Variants in RABGAP1L observed in about 807,000 individuals in gnomAD.
The protein encoded by RABGAP1L is rab GTPase-activating protein 1-like.
In RABGAP1L, 63 loss-of-function variants were observed where a neutral mutation model predicts 137.7. That is an observed-to-expected ratio of 0.46 (90% CI 0.37 to 0.56). The LOEUF (loss-of-function observed/expected upper bound fraction) is 0.56. RABGAP1L is among the 20% of genes least tolerant of loss of function. The pLI is 0.00. For synonymous variants in RABGAP1L, 431 were observed against 433.7 expected, an observed-to-expected ratio of 0.99 and a Z score of 0.08; for missense variants, 1,095 against 1,244.0, an observed-to-expected ratio of 0.88 and a Z score of 1.80.
intron 10 of RABGAP1L, among the ~76,000 whole-genome samples, chr1:174,299,100 T>G (rs972519048): frequency 2.0e-5 from 3 of 152,262 alleles, no homozygotes; most frequent in African/African-American, 7.2e-5. Flanking sequence ...TAGACTTTAG[T>G]TTTATACTTG....
In RABGAP1L at chr1:174,211,402, CAA is replaced by C. The variant is rs1668872872; in HGVS notation, c.-33-7721_-33-7720del. Among the ~76,000 whole-genome samples the C allele has an allele frequency of 3.9e-5, 6 of 152,160 alleles. No individual in the cohort carries two copies. In the South Asian group the frequency reaches 1.2e-3, roughly 32 times the overall value. On this transcript the variant is annotated intron_variant, in intron 1 of 25. Coordinates refer to ENST00000681986, the MANE Select transcript of RABGAP1L (RefSeq NM_001366446.1). ...CTTCTTGCTTGTTTGCTTGCTTATG[CAA>C]AGTGTTGTTATCAGCTTAAAATAAT...
At chr1:174,398,069 C>T (rs1327014164) in intron 13 of RABGAP1L, among the ~76,000 whole-genome samples, 3 of 152,058 alleles carry the variant, frequency 2.0e-5, no homozygotes, top group Non-Finnish European at 4.4e-5. Flanking sequence ...TTGAAGCTTC[C>T]ATCATTCTCA....
intron 24 of RABGAP1L, among the ~76,000 whole-genome samples, chr1:174,983,877 T>C (rs567061800): frequency 9.2e-5 from 14 of 152,166 alleles, no homozygotes; most frequent in Non-Finnish European, 1.9e-4. Flanking sequence ...TCTCCCTCTC[T>C]GATGTGCTAA....
At chr1:174,792,726 A>T (rs1354237479) in intron 18 of RABGAP1L, among the ~76,000 whole-genome samples, 1 of 152,246 alleles carries the variant, frequency 6.6e-6, no homozygotes, top group African/African-American at 2.4e-5. Context: ...TATATAACTG[A>T]GCCTAGTTAC....
intron 19 of RABGAP1L, among the ~76,000 whole-genome samples, chr1:174,948,564 G>C (rs1667255044): frequency 6.8e-6 from 1 of 147,656 alleles, no homozygotes; most frequent in Non-Finnish European, 1.5e-5. Context: ...TAACACAAAG[G>C]ATCAATGCTT....
chr1:174,658,946 C>T (rs1201565108), intron 14 of RABGAP1L, among the ~76,000 whole-genome samples: 3 of 151,998 alleles, frequency 2.0e-5, no homozygotes, highest in African/African-American at 4.8e-5. Context: ...GTTTTAGGCA[C>T]CTGTAAAGAA....
At chr1:174,596,882 C>A (rs549531816) in intron 13 of RABGAP1L, among the ~76,000 whole-genome samples, 2 of 151,984 alleles carry the variant, frequency 1.3e-5, no homozygotes, top group Non-Finnish European at 2.9e-5. Flanking sequence ...AAGTATGTTT[C>A]TTCTCTATCC....
At chr1:174,945,992 A>T (rs1666674053) in intron 19 of RABGAP1L, 1 of 150,952 alleles carries the variant, frequency 6.6e-6, no homozygotes, top group South Asian at 2.1e-4. Context: ...TTCCTGATTC[A>T]ACCACCCCAG....
intron 17 of RABGAP1L, among the ~76,000 whole-genome samples, chr1:174,726,867 A>G (rs1682029741): frequency 6.6e-6 from 1 of 152,174 alleles, no homozygotes; most frequent in South Asian, 2.1e-4. Flanking sequence ...TTATGTAAAA[A>G]TTATTTTTAT....
intron 18 of RABGAP1L, among the ~76,000 whole-genome samples, chr1:174,790,077 G>A (rs1400750486): frequency 6.6e-6 from 1 of 151,950 alleles, no homozygotes; most frequent in Non-Finnish European, 1.5e-5. Flanking sequence ...GGCTGTGGTG[G>A]CTCACACCTG....
intron 13 of RABGAP1L, among the ~76,000 whole-genome samples, chr1:174,565,839 A>C (rs1262590098): frequency 6.6e-6 from 1 of 152,036 alleles, no homozygotes; most frequent in Non-Finnish European, 1.5e-5. Flanking sequence ...ATTCCAAAAA[A>C]TACAAAGATA....
At chr1:174,877,356 T>C in intron 19 of RABGAP1L, 1 of 1,469,406 alleles carries the variant, frequency 6.8e-7, no homozygotes, top group Non-Finnish European at 9.2e-7. Context: ...CTTTCTTTCT[T>C]TCTGGATTTT....
intron 13 of RABGAP1L, among the ~76,000 whole-genome samples, chr1:174,483,446 T>C (rs888954271): frequency 1.3e-5 from 2 of 152,208 alleles, no homozygotes; most frequent in South Asian, 2.1e-4. Context: ...GTTTCATCCA[T>C]GTTGTTGCAA....
chr1:174,926,944 A>T (rs973284041), intron 19 of RABGAP1L, among the ~76,000 whole-genome samples: 2 of 151,952 alleles, frequency 1.3e-5, no homozygotes, highest in African/African-American at 4.8e-5. Context: ...GTGGTGGCAC[A>T]CACCTGTAAT....
chr1:174,616,622 A>G (rs1000574157), intron 13 of RABGAP1L, among the ~76,000 whole-genome samples: 2 of 152,220 alleles, frequency 1.3e-5, no homozygotes, highest in Admixed American at 6.5e-5. Context: ...AAGTGAGGAA[A>G]AGGGAGACAA....
intron 13 of RABGAP1L, among the ~76,000 whole-genome samples, chr1:174,564,329 C>T (rs1219216672): frequency 1.3e-5 from 2 of 152,096 alleles, no homozygotes; most frequent in Admixed American, 1.3e-4. Flanking sequence ...GATTGATCAG[C>T]TTGCAACTAA....
chr1:174,409,974 G>A (rs1019496741), intron 13 of RABGAP1L, among the ~76,000 whole-genome samples: 1 of 152,096 alleles, frequency 6.6e-6, no homozygotes, highest in Non-Finnish European at 1.5e-5. Context: ...TTTGCCCTTT[G>A]CCCTGTGATC....
chr1:174,983,895 T>C (rs906989963), intron 24 of RABGAP1L, among the ~76,000 whole-genome samples: 1 of 152,136 alleles, frequency 6.6e-6, no homozygotes, highest in Non-Finnish European at 1.5e-5. Flanking sequence ...TAAAATTTGA[T>C]GTTTGTATCT....
chr1:174,751,740 A>G (rs1684353421), intron 17 of RABGAP1L, among the ~76,000 whole-genome samples: 1 of 152,208 alleles, frequency 6.6e-6, no homozygotes, highest in Admixed American at 6.5e-5. Flanking sequence ...GAAGTCTGGC[A>G]GATAGCCCCT....
Sources: gnomAD v4.1 joint callset for allele counts (sites outside exome capture counted in the v4.1 genomes callset) on GRCh38, gnomAD v4.1.1 for gene constraint, MANE v1.5 for transcripts, NCBI Gene and HGNC (gene_info 2026-07-23, HGNC 2026-07-21) for gene names.